HTR4: variants seen among roughly 807,000 people sequenced by gnomAD.
The protein encoded by HTR4 is 5-hydroxytryptamine (serotonin) receptor 4, G protein-coupled.
A neutral mutation model predicts 36.8 loss-of-function variants in HTR4; 16 were observed. The observed-to-expected ratio is 0.43, with a 90% CI of 0.29 to 0.66. HTR4 has a LOEUF of 0.66. Ranked by LOEUF, HTR4 falls within the 30% of genes least tolerant of loss-of-function variation. HTR4 has a pLI of 0.13. For missense variants in HTR4, 438 were observed against 490.9 expected (o/e 0.89, Z 1.02); for synonymous variants, 189 against 185.1 (o/e 1.02, Z -0.17).
At chr5:148,534,012 C>G (rs1758695649) in intron 4 of HTR4, among the ~76,000 whole-genome samples, 1 of 152,264 alleles carries the variant, frequency 6.6e-6, no homozygotes, top group African/African-American at 2.4e-5. Context: ...ATGAATTGGT[C>G]TCTAAAGGCA....
chr5:148,579,529 A>C (rs1326515964), intron 2 of HTR4, among the ~76,000 whole-genome samples: 2 of 152,092 alleles, frequency 1.3e-5, no homozygotes, highest in Admixed American at 6.6e-5. Flanking sequence ...CAAAGTTAGC[A>C]GTTTAATATA....
intron 6 of HTR4, among the ~76,000 whole-genome samples, chr5:148,488,697 T>C (rs1756274603): frequency 1.3e-5 from 2 of 152,166 alleles, no homozygotes; most frequent in Admixed American, 6.5e-5. Context: ...GGCAAGGACA[T>C]AAAGCAATGC....
chr5:148,457,780 A>T (rs1755137095), intron 5 of HTR4, among the ~76,000 whole-genome samples: 1 of 142,190 alleles, frequency 7.0e-6, no homozygotes, highest in Non-Finnish European at 1.5e-5. Flanking sequence ...ATTAAAATAT[A>T]TTTTGACATA....
chr5:148,566,448 C>G (rs539695014), intron 2 of HTR4, among the ~76,000 whole-genome samples: 3 of 152,132 alleles, frequency 2.0e-5, no homozygotes, highest in Admixed American at 1.3e-4. Flanking sequence ...GACAGGGAAG[C>G]AACAGAGCCT....
rs200439944 is a variant in HTR4, at chr5:148,606,449, C to CA, written c.26+30539dup. ...TGTTAATGCAACATCACATTGGTTT[C>CA]AAAAAAAAATGGAGCTATGTACATA... On this transcript the variant is annotated intron_variant, in intron 2 of 6. Coordinates refer to ENST00000377888, the MANE Select transcript of HTR4 (RefSeq NM_000870.7). 4.2e-3 allele frequency among the ~76,000 whole-genome samples: 633 copies of CA among 149,466 alleles called. 5 individuals are homozygous for CA. Among genetic ancestry groups the CA allele is most frequent in the Admixed American group, 0.011 (166 of 15,022 alleles).
At chr5:148,487,840 C>T (rs1756237638) in intron 6 of HTR4, among the ~76,000 whole-genome samples, 1 of 151,980 alleles carries the variant, frequency 6.6e-6, no homozygotes, top group Non-Finnish European at 1.5e-5. Context: ...AGTCCCTGCT[C>T]CCAAAGGGAA....
intron 4 of HTR4, among the ~76,000 whole-genome samples, chr5:148,544,752 G>A (rs796190696): frequency 4.5e-4 from 69 of 152,358 alleles, no homozygotes; most frequent in African/African-American, 1.6e-3. Context: ...AGGAAGCACA[G>A]TGAGCTGAGA....
chr5:148,648,138 TC>T (rs1326339598), intron 1 of HTR4, among the ~76,000 whole-genome samples: 1 of 152,170 alleles, frequency 6.6e-6, no homozygotes, highest in Non-Finnish European at 1.5e-5. Context: ...TTTCAACTTT[TC>T]CCTTAAGTAT....
At chr5:148,517,752 T>G (rs757841351) in intron 5 of HTR4, among the ~76,000 whole-genome samples, 1 of 152,186 alleles carries the variant, frequency 6.6e-6, no homozygotes, top group Non-Finnish European at 1.5e-5. Flanking sequence ...GTCAGATTAC[T>G]TCAATAGACT....
intron 4 of HTR4, among the ~76,000 whole-genome samples, chr5:148,529,743 A>G (rs1758463254): frequency 1.3e-5 from 2 of 152,244 alleles, no homozygotes; most frequent in Non-Finnish European, 2.9e-5. Context: ...GACTCAGAAG[A>G]AGACAGGAAG....
chr5:148,556,081 T>G (rs1759937958), intron 2 of HTR4, among the ~76,000 whole-genome samples: 1 of 152,178 alleles, frequency 6.6e-6, no homozygotes, highest in African/African-American at 2.4e-5. Flanking sequence ...TGGAGTGCAG[T>G]GGCACAATCT....
chr5:148,500,293 G>A (rs887746425), intron 6 of HTR4, among the ~76,000 whole-genome samples: 1 of 151,932 alleles, frequency 6.6e-6, no homozygotes, highest in African/African-American at 2.4e-5. Context: ...AGTTATAGAT[G>A]GTGAATGTAT....
intron 6 of HTR4, among the ~76,000 whole-genome samples, chr5:148,496,771 G>A (rs1756702063): frequency 6.6e-6 from 1 of 152,204 alleles, no homozygotes; most frequent in South Asian, 2.1e-4. Flanking sequence ...CTGTTGATTT[G>A]TTAGCAATTC....
At chr5:148,485,018 G>A (rs999423074) in intron 6 of HTR4, among the ~76,000 whole-genome samples, 2 of 152,050 alleles carry the variant, frequency 1.3e-5, no homozygotes, top group Non-Finnish European at 2.9e-5. Flanking sequence ...AGAAAGGGAA[G>A]GAGGAAGGAA....
intron 2 of HTR4, chr5:148,630,129 G>T (rs1000790295): frequency 1.3e-5 from 2 of 152,172 alleles, no homozygotes; most frequent in Non-Finnish European, 2.9e-5. Flanking sequence ...CCTTCTCCCT[G>T]CTCTGCCATG....
At chr5:148,643,718 G>A (rs1221161109) in intron 1 of HTR4, among the ~76,000 whole-genome samples, 3 of 152,204 alleles carry the variant, frequency 2.0e-5, no homozygotes, top group Non-Finnish European at 4.4e-5. Context: ...CTTTGTCTTT[G>A]TGGCTCCAGA....
At chr5:148,617,946 A>C (rs904234163) in intron 2 of HTR4, among the ~76,000 whole-genome samples, 1 of 152,186 alleles carries the variant, frequency 6.6e-6, no homozygotes. Context: ...GACTCAAGTA[A>C]GTCAGCAAGG....
rs181244382 is a variant in HTR4 at position 148,508,435 on chromosome 5, C to T, written c.1076+1021G>A. The stretch of plus-strand genomic sequence containing the variant: ...CCATAACTAGACACTGAACATTTAA[C>T]TCCAAAGTCACTTCCACCTCCATCC... On this transcript the variant is annotated intron_variant, in intron 6 of 6. Coordinates refer to ENST00000377888, the MANE Select transcript of HTR4 (RefSeq NM_000870.7). Among the ~76,000 whole-genome samples the T allele has an allele frequency of 5.9e-5, 9 of 152,316 alleles. No homozygotes were observed. The East Asian group carries it at 1.7e-3, about 29-fold the overall frequency.
chr5:148,610,278 C>T (rs1752366826), intron 2 of HTR4, among the ~76,000 whole-genome samples: 1 of 152,258 alleles, frequency 6.6e-6, no homozygotes, highest in Middle Eastern at 3.4e-3. Flanking sequence ...TCTGCATTTC[C>T]ATCTGAGCTT....
Sources: allele counts gnomAD v4.1 joint callset (sites outside exome capture counted in the v4.1 genomes callset), GRCh38; gene constraint gnomAD v4.1.1; transcripts MANE v1.5; gene names NCBI Gene and HGNC (gene_info 2026-07-23, HGNC 2026-07-21).